The following TTC23 variants were observed in gnomAD, a reference collection of about 807,000 sequenced individuals.
TTC23 encodes tetratricopeptide repeat protein 23.
A neutral mutation model predicts 55.1 loss-of-function variants in TTC23; 58 were observed. The ratio of observed to expected loss-of-function variants is 1.05; its 90% CI spans 0.85 to 1.31. The LOEUF is 1.31. Ranked by LOEUF, TTC23 falls within the 50% of genes most tolerant of loss-of-function variation. The pLI, the probability that TTC23 is intolerant of heterozygous loss-of-function variation, is 0.00. For missense variants in TTC23, 516 were observed against 534.4 expected, an observed-to-expected ratio of 0.97 and a Z score of 0.34; for synonymous variants, 203 against 199.9, an observed-to-expected ratio of 1.02 and a Z score of -0.13.
chr15:99,218,743 G>T (rs2077668118), intron 7 of TTC23, 30 bp from the exon 8 acceptor site: 1 of 1,613,116 alleles, frequency 6.2e-7, no homozygotes, highest in African/African-American at 1.3e-5. Flanking sequence ...TTTTCCACTT[G>T]GTTCTAGATT....
intron 9 of TTC23, among the ~76,000 whole-genome samples, chr15:99,196,059 C>T (rs529183848): frequency 3.3e-5 from 5 of 150,068 alleles, no homozygotes; most frequent in South Asian, 4.2e-4. Context: ...GGCTGAGGCA[C>T]GAGAATCCCT....
At chr15:99,215,829 T>C (rs150701999) in intron 8 of TTC23, among the ~76,000 whole-genome samples, 52 of 152,162 alleles carry the variant, frequency 3.4e-4, no homozygotes, top group African/African-American at 8.7e-4. Context: ...AATGGAATGA[T>C]AGAAATATTT....
At chr15:99,217,936 A>C (rs2077602779) in intron 8 of TTC23, among the ~76,000 whole-genome samples, 1 of 152,206 alleles carries the variant, frequency 6.6e-6, no homozygotes, top group Non-Finnish European at 1.5e-5. Context: ...ATGTAGGTCA[A>C]CTGGGATACT....
chr15:99,205,290 T>C (rs1276056236), intron 8 of TTC23, among the ~76,000 whole-genome samples: 1 of 152,128 alleles, frequency 6.6e-6, no homozygotes, highest in Non-Finnish European at 1.5e-5. Context: ...GGGACTTTCG[T>C]GGTTCCACAT....
chr15:99,221,703 T>C lies in TTC23; in HGVS notation c.304+38A>G, dbSNP rs780874593. ...CAAATTTTGGGGAGAACAGCAGAAA[T>C]CGACCAACTGATCCCCCTCAGTCTA... On this transcript the variant is annotated intron_variant, in intron 6 of 13. Coordinates refer to ENST00000394132, the MANE Select transcript of TTC23 (RefSeq NM_001288615.3). The C allele has an allele frequency of 7.4e-6, 12 of 1,611,940 alleles. No individual in the cohort carries two copies. In the South Asian group the frequency reaches 1.2e-4, roughly 16 times the overall value.
At chr15:99,178,017 T>C (rs2073762584) in intron 9 of TTC23, among the ~76,000 whole-genome samples, 1 of 151,858 alleles carries the variant, frequency 6.6e-6, no homozygotes, top group South Asian at 2.1e-4. Flanking sequence ...CTGTCTGTAC[T>C]AAAAAATAAA....
At chr15:99,221,035 T>C (rs1193148644) in intron 6 of TTC23, among the ~76,000 whole-genome samples, 2 of 152,228 alleles carry the variant, frequency 1.3e-5, no homozygotes, top group Non-Finnish European at 2.9e-5. Context: ...GCCTTTGGTA[T>C]ACAACCCAAG....
chr15:99,177,629 C>T (rs1034227155), intron 9 of TTC23, among the ~76,000 whole-genome samples: 11 of 152,202 alleles, frequency 7.2e-5, no homozygotes, highest in African/African-American at 2.4e-4. Context: ...AGAACAATCA[C>T]TGTGTAATGC....
chr15:99,182,248 T>A (rs8027213), intron 9 of TTC23, among the ~76,000 whole-genome samples: 15,892 of 108,482 alleles, frequency 0.15, 1,328 homozygotes, highest in East Asian at 0.19. Context: ...TCTCTCTCTC[T>A]CACACACACA....
At chr15:99,188,462 G>T (rs935070374) in intron 9 of TTC23, among the ~76,000 whole-genome samples, 2 of 151,686 alleles carry the variant, frequency 1.3e-5, no homozygotes, top group Non-Finnish European at 2.9e-5. Flanking sequence ...ACTTTAAATG[G>T]GTAAATTTGT....
At chr15:99,161,652 A>G (rs3803472) in intron 11 of TTC23, 88 bp downstream of exon 11, 663,888 of 1,458,332 alleles carry the variant, frequency 0.46, 152,347 homozygotes, top group Middle Eastern at 0.51. Flanking sequence ...CACACAGTAG[A>G]TGCTTAATGG....
At position 99,228,680 on chromosome 15, in the gene TTC23, G is replaced by A. The variant is rs2078672176; in HGVS notation, c.33C>T (p.Asn11=). 6.2e-7 allele frequency: 1 copy of A among 1,611,774 alleles called. No homozygotes were observed. The highest frequency in any genetic ancestry group is 1.1e-5 in the South Asian group (1 of 90,606). The change falls in exon 5 of 14, where the codon AAC becomes AAT. Residue 11 remains asparagine (N), a synonymous_variant. Transcript: ENST00000394132. ...CAGCAGCAACAACTTCATCTAGGTGGTTGGATATGTGGGTTTCCTGTGATT... is the reference window on the plus strand; with the variant it reads ...CAGCAGCAACAACTTCATCTAGGTGATTGGATATGTGGGTTTCCTGTGATT... MQESQETHIS[N]HLDEVVAAVS... is the part of the protein sequence containing the mutation.
At chr15:99,153,434 G>A (rs2070116064) in intron 12 of TTC23, among the ~76,000 whole-genome samples, 1 of 152,132 alleles carries the variant, frequency 6.6e-6, no homozygotes, top group African/African-American at 2.4e-5. Flanking sequence ...CAAATCTACT[G>A]TCTTTTGCAG....
chr15:99,190,699 G>A (rs1021433882), intron 9 of TTC23, among the ~76,000 whole-genome samples: 1 of 152,094 alleles, frequency 6.6e-6, no homozygotes, highest in African/African-American at 2.4e-5. Context: ...AAAGTGCTAA[G>A]GACTCCTGAG....
At chr15:99,233,775 T>C (rs933528772) in intron 4 of TTC23, among the ~76,000 whole-genome samples, 9 of 152,216 alleles carry the variant, frequency 5.9e-5, no homozygotes, top group Admixed American at 4.6e-4. Context: ...TACAGATTTA[T>C]TGAGCTATAT....
chr15:99,219,364 A>G (rs979598487), intron 6 of TTC23, among the ~76,000 whole-genome samples: 1 of 152,230 alleles, frequency 6.6e-6, no homozygotes, highest in African/African-American at 2.4e-5. Context: ...AACAAACTGA[A>G]TACAAGAACT....
intron 12 of TTC23, among the ~76,000 whole-genome samples, chr15:99,150,692 A>T (rs55913023): frequency 0.028 from 4,287 of 152,276 alleles, 87 homozygotes; most frequent in Non-Finnish European, 0.044. Flanking sequence ...ATGGGTTGCA[A>T]ATGATCATGT....
At chr15:99,217,930 A>G (rs1359523187) in intron 8 of TTC23, among the ~76,000 whole-genome samples, 7 of 152,210 alleles carry the variant, frequency 4.6e-5, no homozygotes, top group Non-Finnish European at 7.3e-5. Context: ...GCAGCCATGT[A>G]GGTCAACTGG....
intron 10 of TTC23, among the ~76,000 whole-genome samples, chr15:99,174,685 C>T (rs1488022455): frequency 1.3e-5 from 2 of 152,200 alleles, no homozygotes; most frequent in Non-Finnish European, 2.9e-5. Flanking sequence ...TGCCTGGAGG[C>T]CGGCTGGCCC....
Sources: gnomAD v4.1 joint callset for allele counts (sites outside exome capture counted in the v4.1 genomes callset) on GRCh38, gnomAD v4.1.1 for gene constraint, MANE v1.5 for transcripts, NCBI Gene and HGNC (gene_info 2026-07-23, HGNC 2026-07-21) for gene names.